MIDEAS: variants seen among roughly 807,000 people sequenced by gnomAD.
MIDEAS encodes the protein mitotic deacetylase associated SANT domain protein.
Under a neutral mutation model 102.7 loss-of-function variants are expected in MIDEAS, and 26 were observed. That is an observed-to-expected ratio of 0.25 (90% CI 0.19 to 0.35). MIDEAS has a LOEUF of 0.35. MIDEAS is among the 10% of genes least tolerant of loss of function. MIDEAS has a pLI of 1.00. For missense variants in MIDEAS, 1,231 were observed against 1,435.6 expected (o/e 0.86, Z 2.30); for synonymous variants, 585 against 591.0 (o/e 0.99, Z 0.15).
At chr14:73,780,032 C>A (rs1435288754) in intron 1 of MIDEAS, among the ~76,000 whole-genome samples, 2 of 149,954 alleles carry the variant, frequency 1.3e-5, no homozygotes, top group Admixed American at 1.3e-4. Context: ...GCCACCACGC[C>A]CAGCTAATTT....
chr14:73,731,878 C>G (rs1222110896), intron 3 of MIDEAS, among the ~76,000 whole-genome samples: 1 of 152,174 alleles, frequency 6.6e-6, no homozygotes, highest in Non-Finnish European at 1.5e-5. Flanking sequence ...AAGAAAGTAT[C>G]TGTAGTACAA....
rs994099716 is a variant in MIDEAS, at chr14:73,719,025, G to A, written c.3135-17C>T. On this transcript the variant is annotated splice_polypyrimidine_tract_variant and intron_variant, in intron 12 of 12. Coordinates refer to ENST00000423556, the MANE Select transcript of MIDEAS (RefSeq NM_001367710.1). ...TAAAACACCCTGCAGCCGGGTGGGGGTTGCTCAGAACCGGCCTAGCCCACC... is the reference window on the plus strand; with the variant it reads ...TAAAACACCCTGCAGCCGGGTGGGGATTGCTCAGAACCGGCCTAGCCCACC... 1.4e-5 allele frequency: 21 copies of A among 1,466,448 alleles called. No individual in the cohort carries two copies. The highest frequency in any genetic ancestry group is 1.4e-5 in the Non-Finnish European group (16 of 1,116,282). 90.8% of individuals were successfully genotyped at this position (1,466,448 alleles called of 1,614,324 possible).
intron 6 of MIDEAS, 25 bp downstream of exon 6, chr14:73,726,805 T>C (rs751873898): frequency 8.7e-6 from 14 of 1,605,982 alleles, no homozygotes; most frequent in African/African-American, 2.7e-5. Flanking sequence ...CTGCCCTCAC[T>C]TGCTGCCCCC....
Position 73,729,922 on chromosome 14 carries a change from T to C in MIDEAS, c.1813A>G (p.Arg605Gly). The change falls in exon 4 of 13, where the codon AGG becomes GGG. Residue 605 changes from arginine to glycine, a missense_variant. By Grantham distance (125) the Arg-to-Gly change is moderately radical. Around this residue, in one of 5 missense-constraint regions of MIDEAS, gnomAD observed 758 missense variants for 856.0 expected, o/e 0.89. Transcript: ENST00000423556. Reference protein sequence around the residue: ...PSVRKPKQRPRPEPLIIPTKA... With the variant: ...PSVRKPKQRPGPEPLIIPTKA... The stretch of plus-strand genomic sequence containing the variant: ...GTGGGGATGATGAGGGGCTCGGGCC[T>C]GGGCCGCTGCTTTGGTTTCCGCACG... 1 of 1,608,652 alleles carries C rather than the reference T, an allele frequency of 6.2e-7. No individual in the cohort carries two copies. Among genetic ancestry groups the C allele is most frequent in the African/African-American group, 1.3e-5 (1 of 74,934 alleles).
chr14:73,721,197 TATA>T (rs2052983821), intron 11 of MIDEAS, 97 bp downstream of exon 11: 2 of 1,103,170 alleles, frequency 1.8e-6, no homozygotes, highest in African/African-American at 1.5e-5. Flanking sequence ...CTATTATGAT[TATA>T]ATGAGGATCA....
At chr14:73,719,266 C>G (rs1448069070) in intron 12 of MIDEAS, 39 bp downstream of exon 12, 7 of 1,597,088 alleles carry the variant, frequency 4.4e-6, no homozygotes, top group Non-Finnish European at 6.0e-6. Context: ...GCGCACCAGC[C>G]CGCGGGGGTC....
At chr14:73,780,987 G>A (rs2053751431) in intron 1 of MIDEAS, among the ~76,000 whole-genome samples, 1 of 151,504 alleles carries the variant, frequency 6.6e-6, no homozygotes, top group South Asian at 2.1e-4. Flanking sequence ...AAATCTTTGA[G>A]TACTGCCTTA....
intron 1 of MIDEAS, chr14:73,786,988 G>A (rs1268773832): frequency 6.6e-6 from 1 of 150,920 alleles, no homozygotes; most frequent in Non-Finnish European, 1.5e-5. Flanking sequence ...CCAGCGCCCG[G>A]CCCAACCCGG....
At position 73,716,923 on chromosome 14, in the gene MIDEAS, C is replaced by CT. The variant is rs1483676439; in HGVS notation, c.*1919dup. 2.0e-5 allele frequency: 3 copies of CT among 152,738 alleles called. No individual in the cohort carries two copies. The East Asian group carries it at 5.8e-4, about 29-fold the overall frequency. The allele number at this position is 152,738 out of a possible 1,614,324, so 9.5% of individuals were successfully genotyped here. Reference sequence around the variant, plus strand: ...AAGAGAGCCTAAATTTGCTACCCCCCTGCTTCTACAGGGTATACCAGATTT... The same window carrying CT: ...AAGAGAGCCTAAATTTGCTACCCCCCTTGCTTCTACAGGGTATACCAGATTT... On this transcript the variant is annotated 3_prime_UTR_variant, in exon 13 of 13. Coordinates refer to ENST00000423556, the MANE Select transcript of MIDEAS (RefSeq NM_001367710.1).
intron 1 of MIDEAS, among the ~76,000 whole-genome samples, chr14:73,757,258 A>G (rs1357048155): frequency 2.2e-5 from 3 of 134,204 alleles, no homozygotes; most frequent in Admixed American, 1.6e-4. Context: ...GGCGACAGAG[A>G]AAGACCCTAT....
intron 10 of MIDEAS, among the ~76,000 whole-genome samples, chr14:73,722,078 T>TA (rs1162108090): frequency 6.6e-6 from 1 of 152,228 alleles, no homozygotes; most frequent in Non-Finnish European, 1.5e-5. Context: ...ATGTGTCTTT[T>TA]ATACTTCTCT....
At chr14:73,783,528 G>A (rs1389375829) in intron 1 of MIDEAS, among the ~76,000 whole-genome samples, 3 of 152,204 alleles carry the variant, frequency 2.0e-5, no homozygotes, top group African/African-American at 7.2e-5. Context: ...TCCTTACCAT[G>A]CAGACAGTGG....
intron 1 of MIDEAS, among the ~76,000 whole-genome samples, chr14:73,769,589 TTTTTGTTTTG>T (rs71460918): frequency 2.0e-5 from 3 of 150,044 alleles, no homozygotes; most frequent in Admixed American, 6.7e-5. Context: ...TGCAAGAGGG[TTTTTGTTTTG>T]TTTTGTTTTG....
At position 73,719,447 on chromosome 14, in the gene MIDEAS, C is replaced by G. The variant is rs201413902; in HGVS notation, c.2992G>C (p.Gly998Arg). The change falls in exon 12 of 13, where the codon GGT (glycine) becomes CGT (arginine). Residue 998 changes from glycine (G) to arginine (R), a missense_variant. Transcript: ENST00000423556. ...SHESNAPGSAGGQASEKPREG... is the reference protein window; with the variant it reads ...SHESNAPGSARGQASEKPREG... ...CTTGGCTTCTCCGAGGCCTGGCCAC[C>G]GGCAGACCCAGGGGCGTTGGACTCG... The G allele has an allele frequency of 6.2e-7, 1 of 1,614,066 alleles. No individual in the cohort carries two copies. Among genetic ancestry groups the G allele is most frequent in the East Asian group, 2.2e-5 (1 of 44,858 alleles).
intron 1 of MIDEAS, among the ~76,000 whole-genome samples, chr14:73,758,464 C>T (rs2053512415): frequency 6.6e-6 from 1 of 152,220 alleles, no homozygotes; most frequent in African/African-American, 2.4e-5. Context: ...ACAAGAAGAT[C>T]CCAGATCACC....
In MIDEAS at chr14:73,777,775, T is replaced by C. The variant is rs1185625932; in HGVS notation, c.-248+9327A>G. Among the ~76,000 whole-genome samples, 2 of 151,994 alleles carry C rather than the reference T, an allele frequency of 1.3e-5. 1 individual carries two copies. Among genetic ancestry groups the C allele is most frequent in the Non-Finnish European group, 2.9e-5 (2 of 67,954 alleles). On this transcript the variant is annotated intron_variant, in intron 1 of 11. Coordinates refer to the MIDEAS transcript ENST00000394071. ...AAGGCACTGGGGTTTTCCTAAACCTTTCCTGACATGCCTCTCTCTCCTGGC... is the reference window on the plus strand; with the variant it reads ...AAGGCACTGGGGTTTTCCTAAACCTCTCCTGACATGCCTCTCTCTCCTGGC...
chr14:73,728,232 A>G (rs2053089770), intron 4 of MIDEAS: 1 of 145,358 alleles, frequency 6.9e-6, no homozygotes, highest in African/African-American at 2.6e-5. Context: ...AAGGCCCCAC[A>G]TGATCAAAAC....
intron 1 of MIDEAS, chr14:73,754,852 G>T (rs2053461403): frequency 6.6e-6 from 1 of 152,202 alleles, no homozygotes; most frequent in Non-Finnish European, 1.5e-5. Context: ...GTTGGATAGG[G>T]TCCTCTGTCT....
chr14:73,727,164 C>G, intron 5 of MIDEAS, 192 bp from the exon 6 acceptor site: 1 of 708,092 alleles, frequency 1.4e-6, no homozygotes, highest in Non-Finnish European at 2.3e-6. Context: ...GGTCCAGAGG[C>G]TGGAGAGGGG....
Sources: gnomAD v4.1 joint callset for allele counts (sites outside exome capture counted in the v4.1 genomes callset) on GRCh38, gnomAD v4.1.1 for gene constraint, gnomAD v4.1.1 regional missense constraint, MANE v1.5 for transcripts, NCBI Gene and HGNC (gene_info 2026-07-23, HGNC 2026-07-21) for gene names.